The following XYLT1 variants were observed in gnomAD, a reference collection of about 807,000 sequenced individuals.
The protein encoded by XYLT1 is xylosyltransferase 1.
In XYLT1, 36 loss-of-function variants were observed where a neutral mutation model predicts 91.3. The observed-to-expected ratio is 0.39, with a 90% CI of 0.30 to 0.52. The LOEUF (loss-of-function observed/expected upper bound fraction) is 0.52. Ranked by LOEUF, XYLT1 falls within the 20% of genes least tolerant of loss-of-function variation. XYLT1 has a pLI of 0.68. For synonymous variants in XYLT1, 588 were observed against 532.0 expected, an observed-to-expected ratio of 1.11 and a Z score of -1.45; for missense variants, 1,242 against 1,284.5, an observed-to-expected ratio of 0.97 and a Z score of 0.51.
At chr16:17,338,489 G>C in intron 2 of XYLT1, 1 of 456,524 alleles carries the variant, frequency 2.2e-6, no homozygotes, top group Non-Finnish European at 4.4e-6. Flanking sequence ...CTTTATAAAG[G>C]AAGAGGAGCC....
At chr16:17,282,174 AG>A (rs2034067649) in intron 2 of XYLT1, among the ~76,000 whole-genome samples, 1 of 152,196 alleles carries the variant, frequency 6.6e-6, no homozygotes, top group Admixed American at 6.5e-5. Flanking sequence ...TGGCAGCCCT[AG>A]GGGGCAAACA....
chr16:17,199,726 C>T (rs1182535906), intron 4 of XYLT1, among the ~76,000 whole-genome samples: 1 of 152,182 alleles, frequency 6.6e-6, no homozygotes, highest in Non-Finnish European at 1.5e-5. Flanking sequence ...CCATGTAAGA[C>T]TTGCTTTTTG....
chr16:17,321,063 G>A (rs964236859), intron 2 of XYLT1, among the ~76,000 whole-genome samples: 7 of 151,862 alleles, frequency 4.6e-5, no homozygotes, highest in African/African-American at 1.7e-4. Context: ...TCTACAAAGT[G>A]CTCCTCAACT....
At chr16:17,182,923 C>T (rs1373650086) in intron 5 of XYLT1, among the ~76,000 whole-genome samples, 1 of 152,156 alleles carries the variant, frequency 6.6e-6, no homozygotes, top group Non-Finnish European at 1.5e-5. Context: ...AGCACACAGT[C>T]AGTAAAGCTT....
intron 1 of XYLT1, among the ~76,000 whole-genome samples, chr16:17,448,844 T>C (rs962370819): frequency 2.6e-5 from 4 of 152,036 alleles, no homozygotes; most frequent in African/African-American, 7.2e-5. Flanking sequence ...ATGAGGTGCA[T>C]GTATTAACTC....
intron 3 of XYLT1, among the ~76,000 whole-genome samples, chr16:17,249,414 G>C (rs1168314575): frequency 1.3e-5 from 2 of 152,176 alleles, no homozygotes; most frequent in African/African-American, 4.8e-5. Flanking sequence ...ATTATGATGT[G>C]CCAAGCACGA....
intron 1 of XYLT1, among the ~76,000 whole-genome samples, chr16:17,441,392 A>G (rs1333328480): frequency 6.6e-6 from 1 of 152,190 alleles, no homozygotes; most frequent in African/African-American, 2.4e-5. Context: ...ATTGCACTAA[A>G]AAAAAGGAAA....
chr16:17,304,069 C>T (rs1478442801), intron 2 of XYLT1, among the ~76,000 whole-genome samples: 9 of 151,732 alleles, frequency 5.9e-5, no homozygotes, highest in Non-Finnish European at 1.2e-4. Flanking sequence ...TTTATGCTAA[C>T]GTTGGAAGGT....
At chr16:17,269,815 T>TATTATC in intron 2 of XYLT1, among the ~76,000 whole-genome samples, 1 of 150,658 alleles carries the variant, frequency 6.6e-6, no homozygotes, top group South Asian at 2.1e-4. Flanking sequence ...TTATTATTAT[T>TATTATC]ATTATCATTA....
intron 1 of XYLT1, among the ~76,000 whole-genome samples, chr16:17,430,547 A>G (rs1489171205): frequency 1.3e-5 from 2 of 152,204 alleles, no homozygotes; most frequent in East Asian, 3.9e-4. Context: ...AACCAAGTGC[A>G]GGCCCATTCC....
chr16:17,229,044 A>T (rs574378947), intron 3 of XYLT1, among the ~76,000 whole-genome samples: 1 of 152,244 alleles, frequency 6.6e-6, no homozygotes, highest in South Asian at 2.1e-4. Flanking sequence ...ATCTCGGCTC[A>T]CTGCAGCCTC....
intron 1 of XYLT1, among the ~76,000 whole-genome samples, chr16:17,465,790 T>A (rs1160881302): frequency 1.3e-5 from 2 of 152,194 alleles, no homozygotes; most frequent in African/African-American, 4.8e-5. Context: ...ACCAAGAATT[T>A]CCTTTTAAGA....
At chr16:17,251,624 A>G (rs1056681257) in intron 3 of XYLT1, among the ~76,000 whole-genome samples, 1 of 152,326 alleles carries the variant, frequency 6.6e-6, no homozygotes, top group South Asian at 2.1e-4. Flanking sequence ...CGTGAGGGCC[A>G]CTGCACGGAG....
At chr16:17,132,835 G>A (rs1567287178) in intron 9 of XYLT1, among the ~76,000 whole-genome samples, 3 of 152,132 alleles carry the variant, frequency 2.0e-5, no homozygotes, top group African/African-American at 4.8e-5. Flanking sequence ...CCTGGGAGGT[G>A]GAGGTTGCAG....
At chr16:17,332,539 G>T (rs2034912937) in intron 2 of XYLT1, among the ~76,000 whole-genome samples, 1 of 150,806 alleles carries the variant, frequency 6.6e-6, no homozygotes, top group Non-Finnish European at 1.5e-5. Context: ...TCCAGCCTGG[G>T]TGACAGAGCC....
At chr16:17,119,567 A>G (rs925872995) in intron 10 of XYLT1, among the ~76,000 whole-genome samples, 1 of 152,180 alleles carries the variant, frequency 6.6e-6, no homozygotes, top group African/African-American at 2.4e-5. Context: ...AAGAGGTACT[A>G]TGTCAGTCCA....
intron 3 of XYLT1, among the ~76,000 whole-genome samples, chr16:17,219,280 C>CAA (rs369055155): frequency 0.21 from 17,995 of 84,450 alleles, 1,716 homozygotes; most frequent in East Asian, 0.33. Flanking sequence ...GACTTTGTCT[C>CAA]AAAAAAAAAA....
chr16:17,318,761 A>G (rs1050073375), intron 2 of XYLT1, among the ~76,000 whole-genome samples: 2 of 151,058 alleles, frequency 1.3e-5, no homozygotes, highest in Admixed American at 6.6e-5. Context: ...CAAGAACTCC[A>G]TGTGGTTCCA....
intron 5 of XYLT1, among the ~76,000 whole-genome samples, chr16:17,190,314 C>CT (rs2032279876): frequency 6.6e-6 from 1 of 151,996 alleles, no homozygotes; most frequent in South Asian, 2.1e-4. Flanking sequence ...TATTATTATA[C>CT]TTTAAGTTTT....
Sources: allele counts gnomAD v4.1 joint callset (sites outside exome capture counted in the v4.1 genomes callset), GRCh38; gene constraint gnomAD v4.1.1; transcripts MANE v1.5; gene names NCBI Gene and HGNC (gene_info 2026-07-23, HGNC 2026-07-21).